RFWD3: variants seen among roughly 807,000 people sequenced by gnomAD.
RFWD3 encodes ring finger and WD repeat domain 3.
Under a neutral mutation model 87.7 loss-of-function variants are expected in RFWD3, and 65 were observed. That is an observed-to-expected ratio of 0.74 (90% confidence interval 0.61 to 0.91). The LOEUF is 0.91. Ranked by LOEUF, RFWD3 falls within the 40% of genes least tolerant of loss-of-function variation. The probability of loss-of-function intolerance (pLI) is 0.00; values close to 1 mark genes in which losing one functional copy is unlikely to be tolerated. For synonymous variants in RFWD3, 433 were observed against 352.8 expected (o/e 1.23, Z -2.55); for missense variants, 1,078 against 938.5 (o/e 1.15, Z -1.94).
At chr16:74,656,683 C>G (rs890597477) in intron 2 of RFWD3, among the ~76,000 whole-genome samples, 3 of 152,114 alleles carry the variant, frequency 2.0e-5, no homozygotes. Context: ...GTCTTGAACT[C>G]CTGAGCTCAG....
At chr16:74,659,462 G>A (rs1961257649) in intron 2 of RFWD3, among the ~76,000 whole-genome samples, 2 of 152,134 alleles carry the variant, frequency 1.3e-5, no homozygotes. Flanking sequence ...AAGCCTGCTG[G>A]TGCACGCCTG....
Position 74,636,352 on chromosome 16 carries a change from GAA to G in RFWD3, c.1418_1419del (p.Phe473SerfsTer7), listed in dbSNP as rs754326769. 6.2e-7 allele frequency: 1 copy of G among 1,613,604 alleles called. No homozygotes were observed. Among genetic ancestry groups the G allele is most frequent in the South Asian group, 1.1e-5 (1 of 91,064 alleles). ...GAGGTTCTAGACTCTTTACCTGGAA[GAA>G]AAGAGGCCTGAGGAGAAGGCTGTGA... ...VISQPSPQAS[F>X]LPGFGVKMLS... On this transcript the variant is annotated frameshift_variant, in exon 8 of 13. Transcript: ENST00000361070. LOFTEE classifies it high-confidence loss of function.
At chr16:74,665,677 T>G (rs1183205232) in intron 1 of RFWD3, among the ~76,000 whole-genome samples, 1 of 152,134 alleles carries the variant, frequency 6.6e-6, no homozygotes, top group African/African-American at 2.4e-5. Flanking sequence ...GGAGGATCCC[T>G]GGGGCCCGGG....
intron 4 of RFWD3, 72 bp downstream of exon 4, chr16:74,649,060 T>G: frequency 4.2e-5 from 41 of 977,108 alleles, no homozygotes; most frequent in Non-Finnish European, 5.6e-5. Flanking sequence ...CTAGCCTGGG[T>G]GAGAGTGAGA....
chr16:74,659,262 G>A (rs1020428429), intron 2 of RFWD3, among the ~76,000 whole-genome samples: 1 of 152,112 alleles, frequency 6.6e-6, no homozygotes, highest in African/African-American at 2.4e-5. Context: ...ACTTGCAAGA[G>A]GCCTCCTGAC....
At chr16:74,653,060 T>C (rs1251563264) in intron 2 of RFWD3, among the ~76,000 whole-genome samples, 3 of 152,120 alleles carry the variant, frequency 2.0e-5, no homozygotes, top group Non-Finnish European at 4.4e-5. Flanking sequence ...CACATTAGGC[T>C]AGCTGCGATG....
intron 2 of RFWD3, among the ~76,000 whole-genome samples, chr16:74,658,022 A>C (rs1961136814): frequency 1.3e-5 from 2 of 152,218 alleles, no homozygotes; most frequent in Admixed American, 6.5e-5. Context: ...TGTAGCAAAG[A>C]ATTTCCAAAG....
In RFWD3 at chr16:74,623,812, C is replaced by A; in HGVS notation, c.*116G>T. ...CTAGAATCATACTAATGCAAACAAACCATGATTCCCAATGTTCTAGACTGC... is the reference window on the plus strand; with the variant it reads ...CTAGAATCATACTAATGCAAACAAAACATGATTCCCAATGTTCTAGACTGC... On this transcript the variant is annotated 3_prime_UTR_variant, in exon 13 of 13. Transcript: ENST00000361070. The A allele has an allele frequency of 8.7e-7, 1 of 1,155,830 alleles. No homozygotes were observed. The highest frequency in any genetic ancestry group is 1.2e-6 in the Non-Finnish European group (1 of 800,926). 71.6% of individuals were successfully genotyped at this position (1,155,830 alleles called of 1,614,324 possible).
intron 4 of RFWD3, among the ~76,000 whole-genome samples, chr16:74,646,276 T>TACTATACCCA: frequency 1.3e-5 from 2 of 152,092 alleles, no homozygotes; most frequent in African/African-American, 2.4e-5. Context: ...GTCAGGAGGC[T>TACTATACCCA]GAGGTAGAAG....
At chr16:74,630,630 GTTA>G (rs1422857622) in intron 10 of RFWD3, 148 bp downstream of exon 10, 38 of 562,180 alleles carry the variant, frequency 6.8e-5, no homozygotes, top group African/African-American at 6.4e-4. Flanking sequence ...TAATAAGAAT[GTTA>G]TTGATTCTGA....
Position 74,624,062 on chromosome 16 carries a change from C to A in RFWD3, c.2191G>T (p.Ala731Ser), listed in dbSNP as rs758907378. 2 of 1,613,844 alleles carry A rather than the reference C, an allele frequency of 1.2e-6. No individual in the cohort carries two copies. Among genetic ancestry groups the A allele is most frequent in the Non-Finnish European group, 1.7e-6 (2 of 1,179,906 alleles). Residue 731 changes from alanine to serine, a missense_variant, in exon 13 of 13, where the codon GCT (alanine) becomes TCT (serine). Coordinates refer to ENST00000361070, the MANE Select transcript of RFWD3 (RefSeq NM_018124.4). ...EAANSALLWDAASGSLLQDLQ... is the reference protein window; with the variant it reads ...EAANSALLWDSASGSLLQDLQ... ...TCCTGGAGCAACGAGCCACTGGCAG[C>A]ATCCCACAGCTAAAGAACACAAGCA...
Position 74,636,347 on chromosome 16 carries a change from T to C in RFWD3, c.1425A>G (p.Pro475=), listed in dbSNP as rs1258360789. The change falls in exon 8 of 13, where the codon CCA becomes CCG. Residue 475 remains proline (P), a splice_region_variant and synonymous_variant. Transcript: ENST00000361070. ...SQPSPQASFL[P]GFGVKMLSTA... Reference sequence around the variant, plus strand: ...AAGCTGAGGTTCTAGACTCTTTACCTGGAAGAAAAGAGGCCTGAGGAGAAG... The same window carrying C: ...AAGCTGAGGTTCTAGACTCTTTACCCGGAAGAAAAGAGGCCTGAGGAGAAG... 6.2e-7 allele frequency: 1 copy of C among 1,613,220 alleles called. No homozygotes were observed. The highest frequency in any genetic ancestry group is 1.3e-5 in the African/African-American group (1 of 74,920).
intron 12 of RFWD3, among the ~76,000 whole-genome samples, chr16:74,625,673 T>C (rs1178594303): frequency 6.6e-6 from 1 of 152,214 alleles, no homozygotes; most frequent in Non-Finnish European, 1.5e-5. Flanking sequence ...ATTAAACTTG[T>C]TCTCCTCTAT....
At chr16:74,639,396 A>G (rs534787391) in intron 6 of RFWD3, among the ~76,000 whole-genome samples, 5 of 152,340 alleles carry the variant, frequency 3.3e-5, no homozygotes, top group African/African-American at 9.6e-5. Flanking sequence ...CAGCTCCATT[A>G]TAATCTTATG....
intron 3 of RFWD3, among the ~76,000 whole-genome samples, chr16:74,651,455 A>T (rs1331472362): frequency 6.6e-6 from 1 of 152,016 alleles, no homozygotes; most frequent in Non-Finnish European, 1.5e-5. Context: ...CTGTCTCTAC[A>T]AAAAATTTAA....
rs141199869 is a variant in RFWD3, at chr16:74,646,615, G to A, written c.793-1880C>T. ...ATCCTGGCTGACATGGTGAAACCTC[G>A]TCTCTACTAAAATACAAAAAATTAG... On this transcript the variant is annotated intron_variant, in intron 4 of 12. Transcript: ENST00000361070. Among the ~76,000 whole-genome samples, 139 of 152,102 alleles carry A rather than the reference G, an allele frequency of 9.1e-4. 1 individual carries two copies. Among genetic ancestry groups the A allele is most frequent in the East Asian group, 6.0e-3 (31 of 5,182 alleles).
chr16:74,644,483 T>C, intron 5 of RFWD3, 30 bp from the exon 6 acceptor site: 1 of 1,613,934 alleles, frequency 6.2e-7, no homozygotes, highest in Non-Finnish European at 8.5e-7. Context: ...ATAATTAGAG[T>C]GGTTCTAGGA....
intron 6 of RFWD3, among the ~76,000 whole-genome samples, chr16:74,641,232 G>A (rs1003147608): frequency 2.0e-5 from 3 of 151,598 alleles, no homozygotes; most frequent in Non-Finnish European, 4.4e-5. Flanking sequence ...GTGCGACCTC[G>A]GCTCACCACA....
intron 6 of RFWD3, among the ~76,000 whole-genome samples, chr16:74,639,897 A>T (rs1163406111): frequency 6.6e-6 from 1 of 152,190 alleles, no homozygotes; most frequent in African/African-American, 2.4e-5. Context: ...ACCTACAAAT[A>T]TCGAGATATG....
Sources: allele counts gnomAD v4.1 joint callset (sites outside exome capture counted in the v4.1 genomes callset), GRCh38; gene constraint gnomAD v4.1.1; transcripts MANE v1.5; gene names NCBI Gene and HGNC (gene_info 2026-07-23, HGNC 2026-07-21).